The following FGF12 variants were observed in gnomAD, a reference collection of about 807,000 sequenced individuals.
FGF12 encodes fibroblast growth factor 12B.
FGF12 carries 14 observed loss-of-function variants against 23.6 expected under a neutral mutation model. That is an observed-to-expected ratio of 0.59 (90% CI 0.39 to 0.93). The LOEUF is 0.93. FGF12 is among the 40% of genes least tolerant of loss of function. The pLI is 0.00. For missense variants in FGF12, 175 were observed against 217.8 expected (o/e 0.80, Z 1.24); for synonymous variants, 62 against 77.3 (o/e 0.80, Z 1.04).
chr3:192,528,832 G>T (rs1725016439), intron 2 of FGF12, among the ~76,000 whole-genome samples: 1 of 152,114 alleles, frequency 6.6e-6, no homozygotes. Context: ...CTGTACATTG[G>T]CCCCTTTCAG....
At chr3:192,635,205 A>G (rs1200188954) in intron 2 of FGF12, among the ~76,000 whole-genome samples, 1 of 152,212 alleles carries the variant, frequency 6.6e-6, no homozygotes, top group Non-Finnish European at 1.5e-5. Flanking sequence ...TAATCACATA[A>G]TAATTGTAAG....
intron 4 of FGF12, among the ~76,000 whole-genome samples, chr3:192,234,487 G>A (rs1719181241): frequency 6.6e-6 from 1 of 152,184 alleles, no homozygotes; most frequent in South Asian, 2.1e-4. Flanking sequence ...TGCAAAGGGA[G>A]ATAATTTGAC....
chr3:192,383,124 A>C (rs2108754827), intron 2 of FGF12, among the ~76,000 whole-genome samples: 1 of 152,340 alleles, frequency 6.6e-6, no homozygotes, highest in Middle Eastern at 3.4e-3. Flanking sequence ...TCCTTAGAAG[A>C]CAGCAAAGTA....
chr3:192,348,214 C>T (rs12638081), intron 3 of FGF12, among the ~76,000 whole-genome samples: 63,770 of 152,082 alleles, frequency 0.42, 17,135 homozygotes, highest in African/African-American at 0.73. Flanking sequence ...CATACATAGT[C>T]TCACATAGGT....
At chr3:192,604,752 A>G (rs1714266381) in intron 2 of FGF12, among the ~76,000 whole-genome samples, 2 of 152,222 alleles carry the variant, frequency 1.3e-5, no homozygotes, top group Non-Finnish European at 1.5e-5. Flanking sequence ...TAGCAAAAAC[A>G]ATCCTAAGCA....
chr3:192,581,478 GTGTGTGTGTATATATA>G (rs1560158216), intron 2 of FGF12, among the ~76,000 whole-genome samples: 2 of 78,272 alleles, frequency 2.6e-5, no homozygotes, highest in African/African-American at 1.1e-4. Context: ...ATATATATGT[GTGTGTGTGTATATATA>G]TATATATATA....
chr3:192,360,400 C>A lies in FGF12; in HGVS notation c.124+28G>T. ...CTGGGCCCTACATTTGATTTGTAAT[C>A]AGATTGTAAGAAGCTAATGTTTCTT... On this transcript the variant is annotated intron_variant, in intron 3 of 5. Transcript: ENST00000445105. This position sits in a 1 kb window ranked among gnomAD's most constrained non-coding sequence, Gnocchi z 4.3. 1 of 1,457,190 alleles carries A rather than the reference C, an allele frequency of 6.9e-7. No homozygotes were observed. The highest frequency in any genetic ancestry group is 9.6e-7 in the Non-Finnish European group (1 of 1,037,720). The allele number at this position is 1,457,190 out of a possible 1,614,324, so 90.3% of individuals were successfully genotyped here.
At chr3:192,534,134 A>G (rs992260638) in intron 2 of FGF12, 1 of 157,678 alleles carries the variant, frequency 6.3e-6, no homozygotes, top group African/African-American at 2.4e-5. Flanking sequence ...GTTTAAAAAA[A>G]GTAATTTTAC....
intron 4 of FGF12, among the ~76,000 whole-genome samples, chr3:192,333,345 A>T (rs1469684510): frequency 6.6e-6 from 1 of 152,148 alleles, no homozygotes; most frequent in Admixed American, 6.6e-5. Flanking sequence ...GTCTACATTT[A>T]GCTGCTTATT....
chr3:192,727,422 G>A lies in FGF12; in HGVS notation c.-131+62C>T, dbSNP rs758883198. 9.9e-4 allele frequency: 1,276 copies of A among 1,292,756 alleles called. 1 individual carries two copies. The highest frequency in any genetic ancestry group is 1.2e-3 in the Non-Finnish European group (1,185 of 962,560). 80.1% of individuals were successfully genotyped at this position (1,292,756 alleles called of 1,614,324 possible). ...GCCTCTACAGGGGATACGTTGCGAC[G>A]CGCATCTGATACTGAAATGCATGCA... On this transcript the variant is annotated intron_variant, in intron 1 of 5. Coordinates refer to ENST00000445105, the MANE Select transcript of FGF12 (RefSeq NM_004113.6).
At chr3:192,277,978 G>C (rs1315126511) in intron 4 of FGF12, among the ~76,000 whole-genome samples, 1 of 152,196 alleles carries the variant, frequency 6.6e-6, no homozygotes, top group East Asian at 1.9e-4. Flanking sequence ...GGCCAGGCTA[G>C]TCCTGAACTC....
chr3:192,664,949 G>C (rs953461470), intron 2 of FGF12, among the ~76,000 whole-genome samples: 1 of 152,132 alleles, frequency 6.6e-6, no homozygotes, highest in Admixed American at 6.5e-5. Context: ...AGAAGAACTA[G>C]AAAACACAGA....
intron 2 of FGF12, among the ~76,000 whole-genome samples, chr3:192,527,737 G>A (rs1456318466): frequency 6.6e-6 from 1 of 152,120 alleles, no homozygotes; most frequent in African/African-American, 2.4e-5. Flanking sequence ...ATATACCAGA[G>A]ACTGAGCAAT....
intron 2 of FGF12, among the ~76,000 whole-genome samples, chr3:192,487,399 C>T (rs1723669081): frequency 6.6e-6 from 1 of 152,194 alleles, no homozygotes; most frequent in Middle Eastern, 3.4e-3. Context: ...TTCTCCAAGA[C>T]CACACCTAGG....
rs923565011 is a variant in FGF12, at chr3:192,270,916, A to G, written c.228+64445T>C. Among the ~76,000 whole-genome samples, 6 of 152,148 alleles carry G rather than the reference A, an allele frequency of 3.9e-5. 1 individual carries two copies. Among genetic ancestry groups the G allele is most frequent in the African/African-American group, 1.4e-4 (6 of 41,442 alleles). ...GTTGGTGGATGTTAGAATTCCACCAAAAACACCTCAAATTCCATTTAAATT... is the reference window on the plus strand; with the variant it reads ...GTTGGTGGATGTTAGAATTCCACCAGAAACACCTCAAATTCCATTTAAATT... On this transcript the variant is annotated intron_variant, in intron 4 of 5. Transcript: ENST00000445105.
intron 2 of FGF12, among the ~76,000 whole-genome samples, chr3:192,558,787 C>A (rs769087959): frequency 7.9e-5 from 12 of 151,742 alleles, no homozygotes; most frequent in Non-Finnish European, 1.8e-4. Context: ...AGTTCAGAAA[C>A]AAACCCATAT....
intron 2 of FGF12, among the ~76,000 whole-genome samples, chr3:192,415,300 C>T (rs1269710226): frequency 3.3e-5 from 5 of 152,086 alleles, no homozygotes; most frequent in African/African-American, 1.2e-4. Context: ...AGAAACTCGG[C>T]TAGAAGATCC....
chr3:192,595,575 C>T, intron 2 of FGF12, among the ~76,000 whole-genome samples: 1 of 152,198 alleles, frequency 6.6e-6, no homozygotes, highest in East Asian at 1.9e-4. Context: ...CTGGGCTACA[C>T]CCCAGAGTAT....
At chr3:192,541,322 A>G (rs1725358841) in intron 2 of FGF12, among the ~76,000 whole-genome samples, 1 of 152,206 alleles carries the variant, frequency 6.6e-6, no homozygotes, top group Admixed American at 6.5e-5. Context: ...AAGTTACCAT[A>G]AAACATGCAA....
Sources: gnomAD v4.1 joint callset for allele counts (sites outside exome capture counted in the v4.1 genomes callset) on GRCh38, gnomAD v4.1.1 for gene constraint, Gnocchi (gnomAD v3.1) non-coding constraint, MANE v1.5 for transcripts, NCBI Gene and HGNC (gene_info 2026-07-23, HGNC 2026-07-21) for gene names.